PKP4: variants seen among roughly 807,000 people sequenced by gnomAD.
The protein encoded by PKP4 is plakophilin-4.
A neutral mutation model predicts 145.1 loss-of-function variants in PKP4; 90 were observed. That is an observed-to-expected ratio of 0.62 (90% confidence interval 0.52 to 0.74). PKP4 has a LOEUF of 0.74. Among genes scored for constraint, PKP4 ranks in the 30% least tolerant of loss-of-function variants. The probability of loss-of-function intolerance (pLI) is 0.00; values close to 1 mark genes in which losing one functional copy is unlikely to be tolerated. For synonymous variants in PKP4, 563 were observed against 577.2 expected (o/e 0.98, Z 0.35); for missense variants, 1,340 against 1,482.7 (o/e 0.90, Z 1.58).
At chr2:158,521,207 A>T (rs151250776) in intron 1 of PKP4, among the ~76,000 whole-genome samples, 2 of 152,298 alleles carry the variant, frequency 1.3e-5, no homozygotes, top group African/African-American at 4.8e-5. Context: ...GCAGCATGGG[A>T]TAGTTACCAT....
At chr2:158,596,392 C>T (rs1019753093) in intron 3 of PKP4, among the ~76,000 whole-genome samples, 1 of 151,626 alleles carries the variant, frequency 6.6e-6, no homozygotes, top group African/African-American at 2.4e-5. Context: ...GATCAGAGCT[C>T]AAAATGGTAA....
intron 2 of PKP4, among the ~76,000 whole-genome samples, chr2:158,541,363 T>G (rs7564599): frequency 0.91 from 137,839 of 152,082 alleles, 62,577 homozygotes; most frequent in East Asian, 0.98. Flanking sequence ...AGTAATTTGG[T>G]TTATGGCTAT....
chr2:158,568,898 C>T lies in PKP4; in HGVS notation c.133-8373C>T, dbSNP rs576715601. On this transcript the variant is annotated intron_variant, in intron 2 of 21. Coordinates refer to ENST00000389759, the MANE Select transcript of PKP4 (RefSeq NM_003628.6). ...TGAGGCACAATAATCGCTTGAACCC[C>T]GGAGGCAGAGGTTGCAGTGAGCCAA... 4.6e-5 allele frequency among the ~76,000 whole-genome samples: 7 copies of T among 151,924 alleles called. 1 individual carries two copies. In the East Asian group the frequency reaches 9.7e-4, roughly 21 times the overall value.
intron 1 of PKP4, among the ~76,000 whole-genome samples, chr2:158,474,500 A>T (rs969136225): frequency 2.6e-5 from 4 of 152,258 alleles, no homozygotes; most frequent in Admixed American, 2.6e-4. Flanking sequence ...CCAATAAAAA[A>T]TTTTTTAAAA....
chr2:158,645,862 T>C (rs1574944115), intron 11 of PKP4, among the ~76,000 whole-genome samples: 1 of 152,122 alleles, frequency 6.6e-6, no homozygotes, highest in African/African-American at 2.4e-5. Flanking sequence ...TGTGCTCTTT[T>C]TTTGTTTACA....
intron 1 of PKP4, among the ~76,000 whole-genome samples, chr2:158,480,283 C>T (rs888043062): frequency 1.3e-5 from 2 of 152,190 alleles, no homozygotes; most frequent in African/African-American, 4.8e-5. Flanking sequence ...GTAGCCCAGG[C>T]TGGAGTGCAA....
intron 1 of PKP4, among the ~76,000 whole-genome samples, chr2:158,520,711 C>T (rs926185540): frequency 1.3e-5 from 2 of 152,226 alleles, no homozygotes; most frequent in African/African-American, 2.4e-5. Context: ...TCACAGCCCC[C>T]TCTCTCCACA....
At chr2:158,463,574 G>T (rs1453964698) in intron 1 of PKP4, among the ~76,000 whole-genome samples, 1 of 152,174 alleles carries the variant, frequency 6.6e-6, no homozygotes, top group South Asian at 2.1e-4. Flanking sequence ...TTGCCACTAT[G>T]CAGGTGTGTG....
Position 158,627,877 on chromosome 2 carries a change from G to A in PKP4, c.1153+2450G>A, listed in dbSNP as rs979697945. Among the ~76,000 whole-genome samples, 15 of 151,730 alleles carry A rather than the reference G, an allele frequency of 9.9e-5. No homozygotes were observed. The South Asian group carries it at 1.0e-3, about 11-fold the overall frequency. ...TTGGTTGGATAAATAATGCAGTGGCGTATCAGTGTTTTCCATTATTTGGAA... is the reference window on the plus strand; with the variant it reads ...TTGGTTGGATAAATAATGCAGTGGCATATCAGTGTTTTCCATTATTTGGAA... On this transcript the variant is annotated intron_variant, in intron 7 of 21. Coordinates refer to ENST00000389759, the MANE Select transcript of PKP4 (RefSeq NM_003628.6).
At chr2:158,462,366 A>T (rs541218349) in intron 1 of PKP4, among the ~76,000 whole-genome samples, 3 of 67,710 alleles carry the variant, frequency 4.4e-5, no homozygotes, top group Admixed American at 2.0e-4. Context: ...GTTTTTAAAA[A>T]TTTTTCTTAA....
At chr2:158,483,343 AC>A (rs1272568558) in intron 1 of PKP4, among the ~76,000 whole-genome samples, 1 of 148,560 alleles carries the variant, frequency 6.7e-6, no homozygotes, top group Non-Finnish European at 1.5e-5. Flanking sequence ...CTGTGTATAA[AC>A]AGATTGCTCT....
chr2:158,580,092 TAAC>T (rs1238719898), intron 3 of PKP4, among the ~76,000 whole-genome samples: 2 of 152,188 alleles, frequency 1.3e-5, no homozygotes, highest in Non-Finnish European at 2.9e-5. Flanking sequence ...AACAAAATGT[TAAC>T]AACTGTTAAA....
chr2:158,457,438 C>T (rs1688950805), intron 1 of PKP4: 1 of 152,468 alleles, frequency 6.6e-6, no homozygotes, highest in African/African-American at 2.4e-5. Flanking sequence ...GGCAGGCGCA[C>T]AAGTTTCACC....
At chr2:158,532,935 T>C (rs1419643356) in intron 1 of PKP4, among the ~76,000 whole-genome samples, 5 of 152,254 alleles carry the variant, frequency 3.3e-5, no homozygotes, top group Non-Finnish European at 5.9e-5. Context: ...AGATGTCTTT[T>C]TGTGTGCATA....
chr2:158,628,834 C>A (rs2053067319), intron 7 of PKP4, among the ~76,000 whole-genome samples: 1 of 152,180 alleles, frequency 6.6e-6, no homozygotes, highest in South Asian at 2.1e-4. Context: ...GTAGTGGGAA[C>A]ATGAGGACTC....
chr2:158,483,368 T>TG (rs979420816), intron 1 of PKP4, among the ~76,000 whole-genome samples: 3 of 37,192 alleles, frequency 8.1e-5, no homozygotes, highest in East Asian at 6.6e-4. Context: ...TTGCTATGTG[T>TG]TTTTTTTTTT....
chr2:158,584,443 G>A (rs540678472), intron 3 of PKP4, among the ~76,000 whole-genome samples: 17 of 152,280 alleles, frequency 1.1e-4, no homozygotes, highest in African/African-American at 3.4e-4. Context: ...TAAATTCACC[G>A]TTCCAGTAGG....
chr2:158,636,274 A>AT lies in PKP4; in HGVS notation c.1562+1995dup, dbSNP rs962000669. On this transcript the variant is annotated intron_variant, in intron 9 of 21. Transcript: ENST00000389759. ...AATATTTCACTTGTTTTTTTAAAGG[A>AT]TTTTTTTTTTGCTAGATATATAATT... Among the ~76,000 whole-genome samples, 494 of 148,360 alleles carry AT rather than the reference A, an allele frequency of 3.3e-3. 2 individuals are homozygous for AT. The highest frequency in any genetic ancestry group is 3.4e-3 in the Non-Finnish European group (229 of 66,806).
chr2:158,574,755 C>T (rs1326550070), intron 2 of PKP4, among the ~76,000 whole-genome samples: 3 of 151,984 alleles, frequency 2.0e-5, no homozygotes, highest in Admixed American at 6.5e-5. Context: ...GTTGTGGGCA[C>T]GTAATAGGTT....
Sources: allele counts gnomAD v4.1 joint callset (sites outside exome capture counted in the v4.1 genomes callset), GRCh38; gene constraint gnomAD v4.1.1; transcripts MANE v1.5; gene names NCBI Gene and HGNC (gene_info 2026-07-23, HGNC 2026-07-21).